Variants in OSBPL1A observed in about 807,000 individuals in gnomAD.
OSBPL1A encodes the protein oxysterol-binding protein-related protein 1.
OSBPL1A carries 80 observed loss-of-function variants against 137.1 expected under a neutral mutation model. The observed-to-expected ratio is 0.58, with a 90% CI of 0.49 to 0.70. The LOEUF (loss-of-function observed/expected upper bound fraction) is 0.70, where lower values mean the gene tolerates loss of function less well. Among genes scored for constraint, OSBPL1A ranks in the 30% least tolerant of loss-of-function variants. The pLI, the probability that OSBPL1A is intolerant of heterozygous loss-of-function variation, is 0.00. For synonymous variants in OSBPL1A, 365 were observed against 389.7 expected, an observed-to-expected ratio of 0.94 and a Z score of 0.75; for missense variants, 970 against 1,129.4, an observed-to-expected ratio of 0.86 and a Z score of 2.02.
At position 24,235,064 on chromosome 18, in the gene OSBPL1A, C is replaced by T. The variant is rs114987256; in HGVS notation, c.1444+4156G>A. On this transcript the variant is annotated intron_variant, in intron 16 of 27. Coordinates refer to ENST00000319481, the MANE Select transcript of OSBPL1A (RefSeq NM_080597.4). ...GATCATGTCGAGAGCCTTGAAGGTCCGTGAAGGCATCTGAGTTTCATTTTA... is the reference window on the plus strand; with the variant it reads ...GATCATGTCGAGAGCCTTGAAGGTCTGTGAAGGCATCTGAGTTTCATTTTA... Among the ~76,000 whole-genome samples, 1,041 of 152,180 alleles carry T rather than the reference C, an allele frequency of 6.8e-3. 16 individuals carry two copies. Among genetic ancestry groups the T allele is most frequent in the African/African-American group, 0.024 (987 of 41,524 alleles).
chr18:24,227,180 A>G (rs1047835425), intron 16 of OSBPL1A, among the ~76,000 whole-genome samples: 2 of 152,186 alleles, frequency 1.3e-5, no homozygotes, highest in Non-Finnish European at 2.9e-5. Flanking sequence ...GGCATGAGCC[A>G]CTGCGCCTGG....
intron 4 of OSBPL1A, among the ~76,000 whole-genome samples, chr18:24,342,243 T>A (rs79189682): frequency 0.016 from 2,439 of 152,300 alleles, 52 homozygotes; most frequent in African/African-American, 0.047. Flanking sequence ...ATATTACATA[T>A]TTTTATTTAC....
intron 7 of OSBPL1A, among the ~76,000 whole-genome samples, chr18:24,321,223 G>T (rs964141821): frequency 6.6e-6 from 1 of 151,990 alleles, no homozygotes; most frequent in Admixed American, 6.6e-5. Context: ...CAAATTCAAT[G>T]GTTTTTATAG....
intron 15 of OSBPL1A, among the ~76,000 whole-genome samples, chr18:24,260,297 A>G (rs2089412092): frequency 6.6e-6 from 1 of 152,196 alleles, no homozygotes; most frequent in Admixed American, 6.5e-5. Context: ...CATCTAACCC[A>G]GGAATCCTAC....
chr18:24,193,120 A>G (rs1457126293), intron 18 of OSBPL1A, among the ~76,000 whole-genome samples: 1 of 152,238 alleles, frequency 6.6e-6, no homozygotes, highest in Non-Finnish European at 1.5e-5. Flanking sequence ...AGGTATACAC[A>G]TGGCTTCTAG....
intron 17 of OSBPL1A, among the ~76,000 whole-genome samples, chr18:24,216,757 A>AT (rs553296835): frequency 2.0e-4 from 29 of 147,574 alleles, no homozygotes; most frequent in South Asian, 1.9e-3. Context: ...TTCATCGGTT[A>AT]TTTTTTTTTT....
At chr18:24,228,458 A>C (rs2088163523) in intron 16 of OSBPL1A, among the ~76,000 whole-genome samples, 1 of 152,138 alleles carries the variant, frequency 6.6e-6, no homozygotes, top group African/African-American at 2.4e-5. Context: ...ATTTTGACTC[A>C]TCCACCACAT....
At chr18:24,339,587 ACTAAC>A (rs1653610415) in intron 5 of OSBPL1A, among the ~76,000 whole-genome samples, 1 of 152,200 alleles carries the variant, frequency 6.6e-6, no homozygotes, top group Non-Finnish European at 1.5e-5. Context: ...AACTTGTCAG[ACTAAC>A]CTAACATTCC....
chr18:24,281,554 A>AT lies in OSBPL1A; in HGVS notation c.1175-607dup, dbSNP rs561026918. Among the ~76,000 whole-genome samples the AT allele has an allele frequency of 1.3e-3, 197 of 149,340 alleles. 3 individuals are homozygous for AT. In the East Asian group the frequency reaches 0.033, roughly 25 times the overall value. On this transcript the variant is annotated intron_variant, in intron 14 of 27. Transcript: ENST00000319481. ...AGGCACACGCTATCATGCCTGGCTA[A>AT]TTTTTTTTGTATTTTCAGTAGAGAT...
chr18:24,224,897 T>C (rs1211816332), intron 17 of OSBPL1A, 145 bp downstream of exon 17: 2 of 1,049,034 alleles, frequency 1.9e-6, no homozygotes, highest in Non-Finnish European at 2.7e-6. Flanking sequence ...AAAAAGTGCT[T>C]AAGTTAAATG....
chr18:24,272,855 A>C (rs1393664858), intron 15 of OSBPL1A, among the ~76,000 whole-genome samples: 1 of 152,180 alleles, frequency 6.6e-6, no homozygotes, highest in Non-Finnish European at 1.5e-5. Flanking sequence ...AATGAATGTC[A>C]GTGAGGTTTC....
intron 15 of OSBPL1A, among the ~76,000 whole-genome samples, chr18:24,243,668 A>G (rs576650244): frequency 2.9e-4 from 44 of 152,336 alleles, no homozygotes; most frequent in African/African-American, 1.0e-3. Context: ...TTCTTGAGAG[A>G]CAGTAAAAGG....
chr18:24,246,926 G>A (rs1425051701), intron 15 of OSBPL1A, among the ~76,000 whole-genome samples: 2 of 152,074 alleles, frequency 1.3e-5, no homozygotes, highest in African/African-American at 4.8e-5. Context: ...ATGATTTGCT[G>A]ACAGACTGAC....
At chr18:24,179,980 G>C in intron 19 of OSBPL1A, 145 bp from the exon 20 acceptor site, 2 of 648,388 alleles carry the variant, frequency 3.1e-6, no homozygotes, top group Non-Finnish European at 5.5e-6. Flanking sequence ...GGCTCTAGCA[G>C]TGGGACATGG....
intron 18 of OSBPL1A, among the ~76,000 whole-genome samples, chr18:24,186,425 A>T (rs1298973555): frequency 6.6e-6 from 1 of 152,232 alleles, no homozygotes; most frequent in East Asian, 1.9e-4. Context: ...AAAATATTCT[A>T]ATCTTGTTAA....
chr18:24,170,206 T>A, intron 24 of OSBPL1A, 121 bp downstream of exon 24: 1 of 1,132,272 alleles, frequency 8.8e-7, no homozygotes, highest in South Asian at 1.5e-5. Context: ...AAAAGTGACA[T>A]GCATTAGCAA....
At chr18:24,381,102 C>A (rs1358848836) in intron 1 of OSBPL1A, among the ~76,000 whole-genome samples, 1 of 152,138 alleles carries the variant, frequency 6.6e-6, no homozygotes, top group African/African-American at 2.4e-5. Context: ...TTCAGGACCC[C>A]CGTGGTAGTT....
chr18:24,386,930 C>A (rs1305060483), intron 1 of OSBPL1A, among the ~76,000 whole-genome samples: 1 of 152,008 alleles, frequency 6.6e-6, no homozygotes, highest in Non-Finnish European at 1.5e-5. Context: ...GCACTCCGGC[C>A]TGTGTGACAG....
intron 24 of OSBPL1A, 152 bp downstream of exon 24, chr18:24,170,175 A>C: frequency 1.1e-6 from 1 of 912,986 alleles, no homozygotes; most frequent in Non-Finnish European, 1.7e-6. Context: ...GTTAAAGCAA[A>C]TGTCTGATCA....
Sources: allele counts gnomAD v4.1 joint callset (sites outside exome capture counted in the v4.1 genomes callset), GRCh38; gene constraint gnomAD v4.1.1; transcripts MANE v1.5; gene names NCBI Gene and HGNC (gene_info 2026-07-23, HGNC 2026-07-21).